MCM4: variants seen among roughly 807,000 people sequenced by gnomAD.
MCM4 encodes the protein DNA replication licensing factor MCM4.
MCM4 carries 60 observed loss-of-function variants against 88.7 expected under a neutral mutation model. The observed-to-expected ratio is 0.68, with a 90% CI of 0.55 to 0.84. The LOEUF (loss-of-function observed/expected upper bound fraction) is 0.84. MCM4 is among the 40% of genes least tolerant of loss of function. The pLI, the probability that MCM4 is intolerant of heterozygous loss-of-function variation, is 0.00. For missense variants in MCM4, 1,149 were observed against 1,105.5 expected (o/e 1.04, Z -0.56); for synonymous variants, 465 against 410.5 (o/e 1.13, Z -1.61).
At position 47,976,730 on chromosome 8, in the gene MCM4, A is replaced by C; in HGVS notation, c.2544A>C (p.Ala848=). ...DMFEEALRAL[A]DDDFLTVTGK... ...TTGAAGAAGCACTGCGTGCCCTGGC[A>C]GATGATGATTTCCTGACAGTGACTG... is the stretch of plus-strand genomic sequence containing the variant. The change falls in exon 17 of 17, where the codon GCA becomes GCC. Residue 848 remains alanine, a synonymous_variant. Transcript: ENST00000649973. The C allele has an allele frequency of 6.2e-7, 1 of 1,613,734 alleles. No individual in the cohort carries two copies.
At position 47,971,455 on chromosome 8, in the gene MCM4, A is replaced by G; in HGVS notation, c.1915A>G (p.Thr639Ala). 6.2e-7 allele frequency: 1 copy of G among 1,614,068 alleles called. No individual in the cohort carries two copies. ...CATTGAAAACATCCAGCTGCCTCAT[A>G]CTTTATTATCAAGGTATTAAAACAG... ...TTIENIQLPH[T>A]LLSRFDLIFL... is the part of the protein sequence containing the mutation. Residue 639 changes from threonine to alanine, a missense_variant, in exon 13 of 17, where the codon ACT becomes GCT. Thr to Ala is a moderately conservative substitution (Grantham distance 58). This residue lies in a region of MCM4 where 906 missense variants were observed against 843.0 expected (regional missense o/e 1.07). Transcript: ENST00000649973.
In MCM4 at chr8:47,969,225, CTTTTGTTTTG is replaced by C. The variant is rs112381873; in HGVS notation, c.1175-554_1175-545del. ...ATTTGCAGAAACCTGGGTTCTTTCT[CTTTTGTTTTG>C]TTTTGTTTTGTTTTGTTTCATTTTG... On this transcript the variant is annotated intron_variant, in intron 10 of 16. Transcript: ENST00000649973. 578 of 154,394 alleles carry C rather than the reference CTTTTGTTTTG, an allele frequency of 3.7e-3. 1 individual carries two copies. The highest frequency in any genetic ancestry group is 5.4e-3 in the Admixed American group (84 of 15,660). 9.6% of individuals were successfully genotyped at this position (154,394 alleles called of 1,614,324 possible).
intron 3 of MCM4, 112 bp downstream of exon 3, chr8:47,961,792 G>A (rs2090841075): frequency 1.5e-6 from 2 of 1,328,162 alleles, no homozygotes; most frequent in African/African-American, 2.9e-5. Context: ...CATCCCCTCT[G>A]CACGTGACTG....
intron 13 of MCM4, among the ~76,000 whole-genome samples, chr8:47,972,489 T>G (rs1894311): frequency 6.6e-6 from 1 of 152,018 alleles, no homozygotes; most frequent in Non-Finnish European, 1.5e-5. Flanking sequence ...AAGCAGTCTT[T>G]AGTACGTCGT....
chr8:47,974,262 C>CTG (rs887449561), intron 14 of MCM4: 3 of 156,046 alleles, frequency 1.9e-5, no homozygotes, highest in African/African-American at 7.2e-5. Flanking sequence ...AGAAATAAGA[C>CTG]TGTGTCATCT....
chr8:47,969,946 T>C lies in MCM4; in HGVS notation c.1323T>C (p.Phe441=). 1 of 1,614,224 alleles carries C rather than the reference T, an allele frequency of 6.2e-7. No homozygotes were observed. Among genetic ancestry groups the C allele is most frequent in the Non-Finnish European group, 8.5e-7 (1 of 1,180,044 alleles). The change falls in exon 11 of 17, where the codon TTT becomes TTC. Residue 441 remains phenylalanine (F), a synonymous_variant. Coordinates refer to ENST00000649973, the MANE Select transcript of MCM4 (RefSeq NM_182746.3). ...ATGAAGAAGCAGAACAGAAACTTTTTTCAGAGAAACGTGTGGAATTGCTTA... is the reference window on the plus strand; with the variant it reads ...ATGAAGAAGCAGAACAGAAACTTTTCTCAGAGAAACGTGTGGAATTGCTTA... ...GLDEEAEQKL[F]SEKRVELLKE...
At position 47,977,153 on chromosome 8, in the gene MCM4, C is replaced by T. The variant is rs2091008577; in HGVS notation, c.*375C>T. ...TGATGGCATGCGCCTGTAATCCCAG[C>T]TACTCGGGAGGTTGAGGCAGGAGAA... On this transcript the variant is annotated 3_prime_UTR_variant, in exon 17 of 17. Transcript: ENST00000649973. 1 of 158,490 alleles carries T rather than the reference C, an allele frequency of 6.3e-6. No homozygotes were observed. The highest frequency in any genetic ancestry group is 2.4e-5 in the African/African-American group (1 of 41,282). The allele number at this position is 158,490 out of a possible 1,614,324, so 9.8% of individuals were successfully genotyped here.
At position 47,964,728 on chromosome 8, in the gene MCM4, T is replaced by C. The variant is rs374693496; in HGVS notation, c.832+16T>C. 11 of 1,532,074 alleles carry C rather than the reference T, an allele frequency of 7.2e-6. No homozygotes were observed. The African/African-American group carries it at 1.3e-4, about 17-fold the overall frequency. 94.9% of individuals were successfully genotyped at this position (1,532,074 alleles called of 1,614,324 possible). A position where few individuals can be genotyped will look rare whatever the true frequency, so the allele number is the denominator to read the frequency against. ...AATCCAGAAGGTAATGTATTTTTCATAGGATTACTTTTGTTGAAGGAAAAT... is the reference window on the plus strand; with the variant it reads ...AATCCAGAAGGTAATGTATTTTTCACAGGATTACTTTTGTTGAAGGAAAAT... On this transcript the variant is annotated intron_variant, in intron 8 of 16. Coordinates refer to ENST00000649973, the MANE Select transcript of MCM4 (RefSeq NM_182746.3).
At chr8:47,974,986 A>G in intron 15 of MCM4, 24 bp downstream of exon 15, 1 of 1,563,918 alleles carries the variant, frequency 6.4e-7, no homozygotes, top group Non-Finnish European at 8.7e-7. Flanking sequence ...AGTGAACAGA[A>G]AAGCTTTTGA....
Position 47,969,844 on chromosome 8 carries a change from T to C in MCM4, c.1221T>C (p.Asn407=), listed in dbSNP as rs752325260. 12 of 1,614,250 alleles carry C rather than the reference T, an allele frequency of 7.4e-6. No homozygotes were observed. The highest frequency in any genetic ancestry group is 9.3e-6 in the Non-Finnish European group (11 of 1,180,050). The change falls in exon 11 of 17, where the codon AAT becomes AAC. Residue 407 remains asparagine, a synonymous_variant. Transcript: ENST00000649973. ...TTCGAGTCAATCCAAGAGTGAGTAATGTGAAGTCTGTCTACAAAACCCACA... is the reference window on the plus strand; with the variant it reads ...TTCGAGTCAATCCAAGAGTGAGTAACGTGAAGTCTGTCTACAAAACCCACA... ...VPIRVNPRVS[N]VKSVYKTHID...
In MCM4 at chr8:47,976,844, C is replaced by A; in HGVS notation, c.*66C>A. On this transcript the variant is annotated 3_prime_UTR_variant, in exon 17 of 17. Transcript: ENST00000649973. ...CTGCACGCCACATGGGTGTGGTCTG[C>A]ATCTCAGTTGGCCGCCATCAGTGTA... 1 of 1,046,782 alleles carries A rather than the reference C, an allele frequency of 9.6e-7. No homozygotes were observed. The highest frequency in any genetic ancestry group is 1.5e-6 in the Non-Finnish European group (1 of 670,514). 64.8% of individuals were successfully genotyped at this position (1,046,782 alleles called of 1,614,324 possible). A position where few individuals can be genotyped will look rare whatever the true frequency, so the allele number is the denominator to read the frequency against.
At chr8:47,967,329 TTG>T in intron 9 of MCM4, 34 bp from the exon 10 acceptor site, 1 of 1,613,246 alleles carries the variant, frequency 6.2e-7, no homozygotes, top group Non-Finnish European at 8.5e-7. Flanking sequence ...TGCCCTCTCT[TTG>T]TGGCCCACAT....
chr8:47,972,988 T>C lies in MCM4; in HGVS notation c.2060T>C (p.Leu687Pro). 2 of 1,614,114 alleles carry C rather than the reference T, an allele frequency of 1.2e-6. No individual in the cohort carries two copies. Among genetic ancestry groups the C allele is most frequent in the Non-Finnish European group, 1.7e-6 (2 of 1,180,022 alleles). The change falls in exon 14 of 17, where the codon CTA becomes CCA. Residue 687 changes from leucine to proline, a missense_variant. By Grantham distance (98) the Leu-to-Pro change is moderately conservative. This residue lies in a region of MCM4 where 238 missense variants were observed against 241.6 expected (regional missense o/e 0.99). Transcript: ENST00000649973. Reference protein sequence around the residue: ...AEEELLDMAVLKDYIAYAHST... With the variant: ...AEEELLDMAVPKDYIAYAHST... ...GAGGAGCTCCTGGACATGGCGGTGCTAAAGGACTACATTGCCTACGCGCAC... is the reference window on the plus strand; with the variant it reads ...GAGGAGCTCCTGGACATGGCGGTGCCAAAGGACTACATTGCCTACGCGCAC...
intron 3 of MCM4, 76 bp from the exon 4 acceptor site, chr8:47,961,977 G>T: frequency 2.2e-6 from 3 of 1,348,820 alleles, no homozygotes; most frequent in Non-Finnish European, 3.2e-6. Context: ...GCGATTAGAT[G>T]GTATAGATCA....
At chr8:47,961,052 C>G in intron 1 of MCM4, 38 bp downstream of exon 1, 2 of 1,347,974 alleles carry the variant, frequency 1.5e-6, no homozygotes, top group Non-Finnish European at 2.0e-6. Context: ...GGCGCGGAGC[C>G]GACGGGAACG....
chr8:47,967,937 T>C (rs1382720311), intron 10 of MCM4, among the ~76,000 whole-genome samples: 5 of 152,204 alleles, frequency 3.3e-5, no homozygotes, highest in Non-Finnish European at 7.3e-5. Context: ...TTAACATTTG[T>C]TTGTTACAGA....
Position 47,962,078 on chromosome 8 carries a change from T to G in MCM4, c.261T>G (p.Ser87Arg). The G allele has an allele frequency of 6.2e-7, 1 of 1,614,194 alleles. No individual in the cohort carries two copies. The highest frequency in any genetic ancestry group is 8.5e-7 in the Non-Finnish European group (1 of 1,180,020). ...CTATCCCTCTTGACTTTGATGTTAG[T>G]TCACCACTGACATACGGCACTCCCA... Reference protein sequence around the residue: ...SSAIPLDFDVSSPLTYGTPSS... With the variant: ...SSAIPLDFDVRSPLTYGTPSS... Residue 87 changes from serine (S) to arginine (R), a missense_variant, in exon 4 of 17, where the codon AGT (serine) becomes AGG (arginine). Physicochemically the swap from Ser to Arg is moderately radical, Grantham distance 110. This residue lies in a region of MCM4 where 906 missense variants were observed against 843.0 expected (regional missense o/e 1.07). Transcript: ENST00000649973.
chr8:47,966,344 C>T lies in MCM4; in HGVS notation c.990C>T (p.Arg330=), dbSNP rs1349171402. 2 of 1,613,970 alleles carry T rather than the reference C, an allele frequency of 1.2e-6. No homozygotes were observed. Among genetic ancestry groups the T allele is most frequent in the East Asian group, 4.5e-5 (2 of 44,870 alleles). ...GRIAEPSVCG[R]CHTTHSMALI... Reference sequence around the variant, plus strand: ...TTGCAGAGCCCAGTGTGTGCGGGCGCTGCCACACCACCCACAGCATGGCAC... The same window carrying T: ...TTGCAGAGCCCAGTGTGTGCGGGCGTTGCCACACCACCCACAGCATGGCAC... Residue 330 remains arginine (R), a synonymous_variant, in exon 9 of 17, where the codon CGC becomes CGT. Transcript: ENST00000649973.
intron 15 of MCM4, 105 bp from the exon 16 acceptor site, chr8:47,975,610 C>T (rs764046855): frequency 4.3e-5 from 33 of 773,306 alleles, no homozygotes; most frequent in African/African-American, 2.0e-4. Context: ...CAGCCCCTGT[C>T]GCCTTATCTT....
Sources: gnomAD v4.1 joint callset for allele counts (sites outside exome capture counted in the v4.1 genomes callset) on GRCh38, gnomAD v4.1.1 for gene constraint, gnomAD v4.1.1 regional missense constraint, MANE v1.5 for transcripts, NCBI Gene and HGNC (gene_info 2026-07-23, HGNC 2026-07-21) for gene names.